ZNF727: variants seen among roughly 807,000 people sequenced by gnomAD.
The protein encoded by ZNF727 is putative zinc finger protein 727.
A neutral mutation model predicts 11.5 loss-of-function variants in ZNF727; 11 were observed. That is an observed-to-expected ratio of 0.95 (90% CI 0.60 to 1.58). The LOEUF is 1.58. Ranked by LOEUF, ZNF727 falls within the 40% of genes most tolerant of loss-of-function variation. The pLI, the probability that ZNF727 is intolerant of heterozygous loss-of-function variation, is 0.00. For synonymous variants in ZNF727, 171 were observed against 196.1 expected (o/e 0.87, Z 1.07); for missense variants, 533 against 581.7 (o/e 0.92, Z 0.86).
chr7:64,081,794 A>C lies in ZNF727; in HGVS notation c.*3245A>C. ...TAGGGCTAAAGTCTCTTATGGGAGAAAGTTGAGCCTATGGAAATGGCCGTC... is the reference window on the plus strand; with the variant it reads ...TAGGGCTAAAGTCTCTTATGGGAGACAGTTGAGCCTATGGAAATGGCCGTC... On this transcript the variant is annotated 3_prime_UTR_variant, in exon 4 of 4. Transcript: ENST00000456806. Among the ~76,000 whole-genome samples the C allele has an allele frequency of 6.6e-6, 1 of 152,112 alleles. No homozygotes were observed. The highest frequency in any genetic ancestry group is 2.4e-5 in the African/African-American group (1 of 41,420).
At chr7:64,072,783 T>G (rs1789982463) in intron 3 of ZNF727, among the ~76,000 whole-genome samples, 1 of 152,168 alleles carries the variant, frequency 6.6e-6, no homozygotes, top group African/African-American at 2.4e-5. Context: ...GCCGCCTGAA[T>G]GAGGGCCTGC....
At chr7:64,077,216 A>G in intron 3 of ZNF727, 60 bp from the exon 4 acceptor site, 1 of 1,398,784 alleles carries the variant, frequency 7.1e-7, no homozygotes, top group Admixed American at 2.8e-5. Context: ...ATATATTTGT[A>G]AAGTGTATTC....
intron 1 of ZNF727, among the ~76,000 whole-genome samples, chr7:64,058,950 CT>C (rs560995822): frequency 1.5e-4 from 22 of 145,368 alleles, no homozygotes; most frequent in East Asian, 2.2e-4. Context: ...ATTGCATTGT[CT>C]TTTTTTTTTT....
rs1357404429 is a variant in ZNF727, at chr7:64,048,158, A to T, written c.3+2534A>T. On this transcript the variant is annotated intron_variant, in intron 1 of 3. Transcript: ENST00000456806. ...CAACTTCAGTTTTTCATTAATTGTA[A>T]AATGGATTTTATCATTAGAGCTTGA... Among the ~76,000 whole-genome samples the T allele has an allele frequency of 3.9e-5, 6 of 152,334 alleles. No individual in the cohort carries two copies. In the South Asian group the frequency reaches 1.0e-3, roughly 26 times the overall value.
chr7:64,078,592 A>G lies in ZNF727; in HGVS notation c.*43A>G, dbSNP rs1184478144. ...CCTTACAAATGTAATGAATGTGGAA[A>G]AGCTTTTACGTGGATCTTGGCCCTT... On this transcript the variant is annotated 3_prime_UTR_variant, in exon 4 of 4. Transcript: ENST00000456806. 6 of 1,548,354 alleles carry G rather than the reference A, an allele frequency of 3.9e-6. No individual in the cohort carries two copies. The highest frequency in any genetic ancestry group is 1.7e-4 in the Middle Eastern group (1 of 5,890).
chr7:64,080,004 G>A lies in ZNF727; in HGVS notation c.*1455G>A, dbSNP rs774733110. Among the ~76,000 whole-genome samples, 10 of 152,106 alleles carry A rather than the reference G, an allele frequency of 6.6e-5. No individual in the cohort carries two copies. Among genetic ancestry groups the A allele is most frequent in the Non-Finnish European group, 1.5e-4 (10 of 67,998 alleles). ...GCCATTAATCTCTTTTGACTTGAGG[G>A]ATCTCAGCTGCAAGGTTCATTGTTG... On this transcript the variant is annotated 3_prime_UTR_variant, in exon 4 of 4. Coordinates refer to ENST00000456806, the MANE Select transcript of ZNF727 (RefSeq NM_001159522.3).
At chr7:64,057,447 A>C (rs994530463) in intron 1 of ZNF727, among the ~76,000 whole-genome samples, 3 of 152,166 alleles carry the variant, frequency 2.0e-5, no homozygotes, top group African/African-American at 7.2e-5. Flanking sequence ...TCAGCAAACT[A>C]ACACAGGAAG....
chr7:64,069,033 A>G lies in ZNF727; in HGVS notation c.130+16A>G. 2 of 1,569,718 alleles carry G rather than the reference A, an allele frequency of 1.3e-6. No individual in the cohort carries two copies. Among genetic ancestry groups the G allele is most frequent in the South Asian group, 1.2e-5 (1 of 83,560 alleles). On this transcript the variant is annotated intron_variant, in intron 2 of 3. Transcript: ENST00000456806. Reference sequence around the variant, plus strand: ...TTCTCCTTGGGTGAGAATAACTTCAATATACAACTCATATTCTACATTAAA... The same window carrying G: ...TTCTCCTTGGGTGAGAATAACTTCAGTATACAACTCATATTCTACATTAAA...
intron 1 of ZNF727, among the ~76,000 whole-genome samples, chr7:64,059,590 A>C (rs959819408): frequency 5.3e-5 from 8 of 152,166 alleles, no homozygotes; most frequent in African/African-American, 1.9e-4. Context: ...GTTCTTCATA[A>C]CATCTTTCTT....
chr7:64,055,021 C>G (rs1220737449), intron 1 of ZNF727, among the ~76,000 whole-genome samples: 1 of 151,894 alleles, frequency 6.6e-6, no homozygotes, highest in Non-Finnish European at 1.5e-5. Flanking sequence ...ATCTTTTCCC[C>G]CTCATTATAT....
Position 64,078,704 on chromosome 7 carries a change from A to T in ZNF727, c.*155A>T, listed in dbSNP as rs6962663. Reference sequence around the variant, plus strand: ...CCTTTATCCGCTCCTCAACCCTTACAAGCCACAAGAGAATTCATATGGAAG... The same window carrying T: ...CCTTTATCCGCTCCTCAACCCTTACTAGCCACAAGAGAATTCATATGGAAG... On this transcript the variant is annotated 3_prime_UTR_variant, in exon 4 of 4. Coordinates refer to ENST00000456806, the MANE Select transcript of ZNF727 (RefSeq NM_001159522.3). Among the ~76,000 whole-genome samples the T allele has an allele frequency of 0.65, 98,432 of 151,452 alleles. 32,327 individuals carry two copies. Among genetic ancestry groups the T allele is most frequent in the Admixed American group, 0.73 (11,057 of 15,246 alleles).
chr7:64,066,408 A>C (rs934432230), intron 1 of ZNF727, among the ~76,000 whole-genome samples: 1 of 152,212 alleles, frequency 6.6e-6, no homozygotes, highest in Non-Finnish European at 1.5e-5. Context: ...ACTATTCTAC[A>C]AGGCTACAGT....
chr7:64,053,729 T>G (rs890652811), intron 1 of ZNF727, among the ~76,000 whole-genome samples: 7 of 152,104 alleles, frequency 4.6e-5, no homozygotes, highest in Admixed American at 1.3e-4. Context: ...CCGCCATAAT[T>G]GTCAGGCCTC....
chr7:64,066,502 T>A (rs561688537), intron 1 of ZNF727, among the ~76,000 whole-genome samples: 3 of 151,990 alleles, frequency 2.0e-5, no homozygotes, highest in Non-Finnish European at 2.9e-5. Flanking sequence ...ATACCGCATA[T>A]CTGCAGCCAT....
At chr7:64,074,576 AG>A (rs1212013674) in intron 3 of ZNF727, among the ~76,000 whole-genome samples, 1 of 152,190 alleles carries the variant, frequency 6.6e-6, no homozygotes, top group Non-Finnish European at 1.5e-5. Context: ...GAGAGAGGCC[AG>A]GGACAGATGT....
chr7:64,064,003 C>G (rs990493094), intron 1 of ZNF727, among the ~76,000 whole-genome samples: 4 of 151,898 alleles, frequency 2.6e-5, no homozygotes, highest in African/African-American at 9.7e-5. Context: ...TCTGCTGGGC[C>G]TGCTTCTTTT....
intron 3 of ZNF727, among the ~76,000 whole-genome samples, chr7:64,071,110 TA>T (rs1485197704): frequency 6.6e-6 from 1 of 152,128 alleles, no homozygotes; most frequent in Non-Finnish European, 1.5e-5. Context: ...TTTGAGATAG[TA>T]AATTTATTGT....
At chr7:64,063,298 T>C (rs995122545) in intron 1 of ZNF727, among the ~76,000 whole-genome samples, 31 of 152,322 alleles carry the variant, frequency 2.0e-4, no homozygotes, top group African/African-American at 7.2e-4. Context: ...AGTGTTGTAA[T>C]CTAAGTCTTT....
chr7:64,062,903 A>G (rs1344165936), intron 1 of ZNF727, among the ~76,000 whole-genome samples: 1 of 150,858 alleles, frequency 6.6e-6, no homozygotes, highest in South Asian at 2.1e-4. Flanking sequence ...AGAGACTCTG[A>G]TGCACTCTTC....
Sources: gnomAD v4.1 joint callset for allele counts (sites outside exome capture counted in the v4.1 genomes callset) on GRCh38, gnomAD v4.1.1 for gene constraint, MANE v1.5 for transcripts, NCBI Gene and HGNC (gene_info 2026-07-23, HGNC 2026-07-21) for gene names.